BNC2: variants seen among roughly 807,000 people sequenced by gnomAD.
The protein encoded by BNC2 is basonuclin zinc finger protein 2.
BNC2 carries 20 observed loss-of-function variants against 76.3 expected under a neutral mutation model. The observed-to-expected ratio is 0.26, with a 90% CI of 0.18 to 0.38. The LOEUF (loss-of-function observed/expected upper bound fraction) is 0.38. Ranked by LOEUF, BNC2 falls within the 10% of genes least tolerant of loss-of-function variation. BNC2 has a pLI of 1.00. For synonymous variants in BNC2, 582 were observed against 514.8 expected, an observed-to-expected ratio of 1.13 and a Z score of -1.77; for missense variants, 1,382 against 1,399.8, an observed-to-expected ratio of 0.99 and a Z score of 0.20.
chr9:16,713,229 C>T (rs1311781260), intron 3 of BNC2, among the ~76,000 whole-genome samples: 1 of 152,078 alleles, frequency 6.6e-6, no homozygotes, highest in African/African-American at 2.4e-5. Context: ...GTCTTGAGCC[C>T]TAGGAATAAA....
intron 3 of BNC2, among the ~76,000 whole-genome samples, chr9:16,640,480 A>T (rs1363755570): frequency 6.6e-6 from 1 of 152,206 alleles, no homozygotes; most frequent in African/African-American, 2.4e-5. Flanking sequence ...TTTTCAACTA[A>T]ATTTTCATTT....
intron 1 of BNC2, among the ~76,000 whole-genome samples, chr9:16,742,258 G>C (rs776121589): frequency 9.2e-5 from 14 of 152,142 alleles, no homozygotes; most frequent in Non-Finnish European, 1.6e-4. Flanking sequence ...TTTGAACAAA[G>C]GCATAAAAGA....
At chr9:16,644,014 G>A (rs1358483978) in intron 3 of BNC2, among the ~76,000 whole-genome samples, 1 of 152,168 alleles carries the variant, frequency 6.6e-6, no homozygotes, top group Non-Finnish European at 1.5e-5. Context: ...TACCCCAAGA[G>A]AACCTTAGAA....
intron 2 of BNC2, among the ~76,000 whole-genome samples, chr9:16,734,367 G>A (rs1459936014): frequency 6.6e-6 from 1 of 152,204 alleles, no homozygotes; most frequent in African/African-American, 2.4e-5. Context: ...CAAATTCAAA[G>A]TGCTCTTAAG....
intron 3 of BNC2, among the ~76,000 whole-genome samples, chr9:16,617,222 C>G (rs1820731168): frequency 6.6e-6 from 1 of 151,982 alleles, no homozygotes; most frequent in Non-Finnish European, 1.5e-5. Flanking sequence ...ATAGAACAAA[C>G]AAACAAACAA....
At chr9:16,750,486 C>G (rs1237210031) in intron 1 of BNC2, among the ~76,000 whole-genome samples, 3 of 152,212 alleles carry the variant, frequency 2.0e-5, no homozygotes, top group African/African-American at 7.2e-5. Flanking sequence ...AGATGTTAGA[C>G]ATCATCTATA....
chr9:16,418,916 G>A lies in BNC2; in HGVS notation c.*73C>T, dbSNP rs1383642279. 5.7e-5 allele frequency: 83 copies of A among 1,445,478 alleles called. No individual in the cohort carries two copies. Among genetic ancestry groups the A allele is most frequent in the African/African-American group, 1.9e-4 (12 of 61,562 alleles). The allele number at this position is 1,445,478 out of a possible 1,614,324, so 89.5% of individuals were successfully genotyped here. A position where few individuals can be genotyped will look rare whatever the true frequency, so the allele number is the denominator to read the frequency against. On this transcript the variant is annotated 3_prime_UTR_variant, in exon 7 of 7. Coordinates refer to ENST00000380672, the MANE Select transcript of BNC2 (RefSeq NM_017637.6). ...ACACACACACCCCAAGTACATAAGC[G>A]CACACTGACTATGGCAGTTCAAACA...
At chr9:16,591,467 G>A (rs747995049) in intron 3 of BNC2, among the ~76,000 whole-genome samples, 1 of 152,062 alleles carries the variant, frequency 6.6e-6, no homozygotes, top group African/African-American at 2.4e-5. Context: ...AACCTAAAAC[G>A]TCTATCTAAT....
intron 3 of BNC2, among the ~76,000 whole-genome samples, chr9:16,720,309 T>C (rs188320704): frequency 6.6e-6 from 1 of 152,238 alleles, no homozygotes; most frequent in East Asian, 1.9e-4. Context: ...CCAGTGAAAG[T>C]AAGGAGGAAT....
At chr9:16,835,626 TG>T (rs2136053889) in intron 1 of BNC2, among the ~76,000 whole-genome samples, 2 of 152,290 alleles carry the variant, frequency 1.3e-5, no homozygotes, top group East Asian at 3.9e-4. Context: ...CACTTGAACC[TG>T]GGAGGCGGAG....
intron 5 of BNC2, among the ~76,000 whole-genome samples, chr9:16,516,935 C>T (rs559537919): frequency 3.9e-5 from 6 of 152,304 alleles, no homozygotes; most frequent in Non-Finnish European, 8.8e-5. Context: ...AGGCTTTAAA[C>T]TGGTCAGTTG....
At chr9:16,600,449 G>C (rs1179973776) in intron 3 of BNC2, among the ~76,000 whole-genome samples, 1 of 152,178 alleles carries the variant, frequency 6.6e-6, no homozygotes, top group Non-Finnish European at 1.5e-5. Flanking sequence ...AGCAGACGTA[G>C]TACAATTTTA....
rs775714848 is a variant in BNC2, at chr9:16,738,388, C to T, written c.101G>A (p.Cys34Tyr). The T allele has an allele frequency of 5.6e-6, 9 of 1,613,930 alleles. No homozygotes were observed. The African/African-American group carries it at 1.2e-4, about 22-fold the overall frequency. Reference sequence around the variant, plus strand: ...AATTTGAGATGTATCAACCCCACAACATGGGACCTTGAAATATGCTGGCCA... The same window carrying T: ...AATTTGAGATGTATCAACCCCACAATATGGGACCTTGAAATATGCTGGCCA... The part of the protein sequence containing the change: ...QDWPAYFKVP[C>Y]CGVDTSQIES... Residue 34 changes from cysteine (C) to tyrosine (Y), a missense_variant, in exon 2 of 7, where the codon TGT becomes TAT. Cys to Tyr is a radical substitution (Grantham distance 194). This residue lies in a region of BNC2 where 557 missense variants were observed against 540.9 expected (regional missense o/e 1.03). Coordinates refer to ENST00000380672, the MANE Select transcript of BNC2 (RefSeq NM_017637.6).
At chr9:16,698,988 T>C (rs1020768315) in intron 3 of BNC2, among the ~76,000 whole-genome samples, 1 of 152,252 alleles carries the variant, frequency 6.6e-6, no homozygotes, top group South Asian at 2.1e-4. Flanking sequence ...TTTAAAACTA[T>C]TAAAAATTAA....
intron 3 of BNC2, among the ~76,000 whole-genome samples, chr9:16,609,600 G>C (rs151241534): frequency 4.6e-5 from 7 of 152,258 alleles, no homozygotes; most frequent in African/African-American, 1.7e-4. Context: ...AGGTAATAAA[G>C]GTATGTAGAA....
chr9:16,741,893 G>A (rs571035113), intron 1 of BNC2, among the ~76,000 whole-genome samples: 1 of 142,374 alleles, frequency 7.0e-6, no homozygotes, highest in South Asian at 2.2e-4. Context: ...AGGAGGTGGA[G>A]GTTGCAGTGA....
At chr9:16,664,504 T>A (rs1822207740) in intron 3 of BNC2, among the ~76,000 whole-genome samples, 1 of 152,078 alleles carries the variant, frequency 6.6e-6, no homozygotes, top group African/African-American at 2.4e-5. Context: ...GCTGAGACTG[T>A]CTGGGGACAC....
At position 16,419,448 on chromosome 9, in the gene BNC2, G is replaced by C; in HGVS notation, c.2841C>G (p.Asn947Lys). Residue 947 changes from asparagine to lysine, a missense_variant, in exon 7 of 7, where the codon AAC (asparagine) becomes AAG (lysine). Asn to Lys is a moderately conservative substitution (Grantham distance 94, BLOSUM62 0). Transcript: ENST00000380672. ...SPAGTEDSHL[N>K]GYGRGMAEDY... ...CCTCTGCCATGCCTCTCCCATACCCGTTCAGGTGGGAGTCTTCAGTCCCTG... is the reference window on the plus strand; with the variant it reads ...CCTCTGCCATGCCTCTCCCATACCCCTTCAGGTGGGAGTCTTCAGTCCCTG... The C allele has an allele frequency of 6.2e-7, 1 of 1,612,632 alleles. No individual in the cohort carries two copies. The highest frequency in any genetic ancestry group is 8.5e-7 in the Non-Finnish European group (1 of 1,179,204).
intron 5 of BNC2, among the ~76,000 whole-genome samples, chr9:16,446,255 G>A (rs16934678): frequency 0.036 from 5,466 of 151,990 alleles, 288 homozygotes; most frequent in African/African-American, 0.12. Context: ...TCAACTTAGC[G>A]AATGGTGATA....
Sources: gnomAD v4.1 joint callset for allele counts (sites outside exome capture counted in the v4.1 genomes callset) on GRCh38, gnomAD v4.1.1 for gene constraint, gnomAD v4.1.1 regional missense constraint, MANE v1.5 for transcripts, NCBI Gene and HGNC (gene_info 2026-07-23, HGNC 2026-07-21) for gene names.